Variants in NUBPL observed in about 807,000 individuals in gnomAD.
NUBPL encodes the protein NUBP iron-sulfur cluster assembly factor, mitochondrial.
Under a neutral mutation model 45.7 loss-of-function variants are expected in NUBPL, and 31 were observed. The ratio of observed to expected loss-of-function variants is 0.68; its 90% confidence interval spans 0.51 to 0.92. The LOEUF is 0.92. Among genes scored for constraint, NUBPL ranks in the 40% least tolerant of loss-of-function variants. The probability of loss-of-function intolerance (pLI) is 0.00; values close to 1 mark genes in which losing one functional copy is unlikely to be tolerated. For synonymous variants in NUBPL, 144 were observed against 140.9 expected (o/e 1.02, Z -0.15); for missense variants, 401 against 398.7 (o/e 1.01, Z -0.05).
chr14:31,851,622 A>G (rs751433252), intron 10 of NUBPL, among the ~76,000 whole-genome samples: 2 of 152,170 alleles, frequency 1.3e-5, no homozygotes, highest in Non-Finnish European at 2.9e-5. Flanking sequence ...AGTCTTTCTC[A>G]ACAATTTTTC....
intron 6 of NUBPL, among the ~76,000 whole-genome samples, chr14:31,746,827 T>A (rs2038409138): frequency 6.6e-6 from 1 of 151,884 alleles, no homozygotes; most frequent in Non-Finnish European, 1.5e-5. Context: ...CCTAGCACTT[T>A]GGGAAGCCAA....
At chr14:31,634,192 C>A (rs1160175636) in intron 4 of NUBPL, among the ~76,000 whole-genome samples, 4 of 150,234 alleles carry the variant, frequency 2.7e-5, no homozygotes, top group Non-Finnish European at 4.4e-5. Flanking sequence ...CACCCATTAA[C>A]TCGTCATTTA....
In NUBPL at chr14:31,806,842, A is replaced by C. The variant is rs75701926; in HGVS notation, c.607+18969A>C. Among the ~76,000 whole-genome samples, 37 of 152,232 alleles carry C rather than the reference A, an allele frequency of 2.4e-4. No homozygotes were observed. The South Asian group carries it at 6.4e-3, about 26-fold the overall frequency. On this transcript the variant is annotated intron_variant, in intron 7 of 10. Coordinates refer to ENST00000281081, the MANE Select transcript of NUBPL (RefSeq NM_025152.3). ...TGTGTCCAAGTGTTCTCATTGTTCA[A>C]TTCCCACCTATCAGTGAGAACATGC... is the stretch of plus-strand genomic sequence containing the variant.
chr14:31,798,123 G>T (rs957700565), intron 7 of NUBPL, among the ~76,000 whole-genome samples: 2 of 151,954 alleles, frequency 1.3e-5, no homozygotes, highest in African/African-American at 2.4e-5. Flanking sequence ...CTGATGTTGT[G>T]CCCCCTTATC....
chr14:31,756,035 C>G lies in NUBPL; in HGVS notation c.514-31745C>G, dbSNP rs569977010. On this transcript the variant is annotated intron_variant, in intron 6 of 10. Coordinates refer to ENST00000281081, the MANE Select transcript of NUBPL (RefSeq NM_025152.3). ...GATAATGCGGCGTTATTTCTGAGAG[C>G]TCTGTTCTGTTCCATTGGTCTATAT... Among the ~76,000 whole-genome samples, 987 of 152,084 alleles carry G rather than the reference C, an allele frequency of 6.5e-3. 12 individuals carry two copies. Among genetic ancestry groups the G allele is most frequent in the African/African-American group, 0.022 (923 of 41,430 alleles).
At chr14:31,681,006 G>T (rs889324301) in intron 6 of NUBPL, among the ~76,000 whole-genome samples, 3 of 152,002 alleles carry the variant, frequency 2.0e-5, no homozygotes, top group Non-Finnish European at 4.4e-5. Context: ...AATAATATTG[G>T]TTTGTAATTT....
chr14:31,603,110 A>G (rs2034489289), intron 4 of NUBPL, among the ~76,000 whole-genome samples: 1 of 151,896 alleles, frequency 6.6e-6, no homozygotes. Context: ...CCAGGAGTTC[A>G]AGACCAGCCT....
chr14:31,757,324 C>T (rs2038690593), intron 6 of NUBPL, among the ~76,000 whole-genome samples: 1 of 150,636 alleles, frequency 6.6e-6, no homozygotes, highest in Non-Finnish European at 1.5e-5. Context: ...GTGAATCCAT[C>T]TGGTCCTGGA....
chr14:31,673,279 G>T, intron 4 of NUBPL, 76 bp from the exon 5 acceptor site: 1 of 1,277,052 alleles, frequency 7.8e-7, no homozygotes, highest in Non-Finnish European at 1.1e-6. Flanking sequence ...TTAAAAAGAT[G>T]AAAAAAAAAC....
intron 6 of NUBPL, among the ~76,000 whole-genome samples, chr14:31,679,077 C>G (rs2036768406): frequency 6.6e-6 from 1 of 152,180 alleles, no homozygotes; most frequent in Admixed American, 6.5e-5. Context: ...TGGGGCAGCA[C>G]AAAGTTCAGT....
At chr14:31,639,982 G>C (rs1022345918) in intron 4 of NUBPL, among the ~76,000 whole-genome samples, 1 of 152,198 alleles carries the variant, frequency 6.6e-6, no homozygotes, top group Non-Finnish European at 1.5e-5. Flanking sequence ...TCCAGGTGCT[G>C]TCTGTCACCC....
chr14:31,693,812 A>C (rs942613614), intron 6 of NUBPL, among the ~76,000 whole-genome samples: 21 of 150,086 alleles, frequency 1.4e-4, no homozygotes, highest in African/African-American at 2.4e-4. Flanking sequence ...AAAAAAAAAA[A>C]AAAAAAAAAA....
intron 6 of NUBPL, among the ~76,000 whole-genome samples, chr14:31,735,666 A>G (rs1439026355): frequency 6.6e-6 from 1 of 151,448 alleles, no homozygotes; most frequent in African/African-American, 2.4e-5. Flanking sequence ...AGCCTGGCCA[A>G]CATGGTGAAA....
intron 6 of NUBPL, among the ~76,000 whole-genome samples, chr14:31,703,820 T>C (rs1266208496): frequency 1.3e-5 from 2 of 152,238 alleles, no homozygotes; most frequent in African/African-American, 4.8e-5. Flanking sequence ...TGAGATTTTA[T>C]TGGAAGCCTT....
intron 5 of NUBPL, 35 bp from the exon 6 acceptor site, chr14:31,673,449 T>A (rs2036622884): frequency 6.2e-7 from 1 of 1,606,794 alleles, no homozygotes; most frequent in Admixed American, 1.7e-5. Context: ...GATTAATTTA[T>A]ACAAATTAGT....
intron 7 of NUBPL, among the ~76,000 whole-genome samples, chr14:31,801,506 G>C (rs2039589668): frequency 6.6e-6 from 1 of 152,200 alleles, no homozygotes; most frequent in Admixed American, 6.5e-5. Flanking sequence ...TTAGACACCA[G>C]TAGTACAGTC....
chr14:31,561,588 T>G, intron 1 of NUBPL, 41 bp downstream of exon 1: 1 of 1,268,208 alleles, frequency 7.9e-7, no homozygotes, highest in Non-Finnish European at 1.0e-6. Context: ...GGCTGACAGA[T>G]GCTGGGCTGC....
intron 4 of NUBPL, among the ~76,000 whole-genome samples, chr14:31,637,352 T>C (rs1254975609): frequency 5.9e-5 from 9 of 152,228 alleles, no homozygotes; most frequent in Non-Finnish European, 7.3e-5. Flanking sequence ...ATGCACCCAG[T>C]AGTCATTCAG....
chr14:31,841,922 T>G (rs8004061), intron 8 of NUBPL, among the ~76,000 whole-genome samples: 1,629 of 42,370 alleles, frequency 0.038, 13 homozygotes, highest in South Asian at 0.067. Context: ...CTGGGCTTTT[T>G]TTTTTTTTTT....
Sources: gnomAD v4.1 joint callset for allele counts (sites outside exome capture counted in the v4.1 genomes callset) on GRCh38, gnomAD v4.1.1 for gene constraint, MANE v1.5 for transcripts, NCBI Gene and HGNC (gene_info 2026-07-23, HGNC 2026-07-21) for gene names.